RIC8B: variants seen among roughly 807,000 people sequenced by gnomAD.
RIC8B encodes chaperone Ric-8B.
In RIC8B, 16 loss-of-function variants were observed where a neutral mutation model predicts 57.5. The ratio of observed to expected loss-of-function variants is 0.28; its 90% CI spans 0.19 to 0.42. RIC8B has a LOEUF of 0.42. RIC8B is among the 10% of genes least tolerant of loss of function. RIC8B has a pLI of 1.00. For synonymous variants in RIC8B, 216 were observed against 250.8 expected, an observed-to-expected ratio of 0.86 and a Z score of 1.31; for missense variants, 481 against 677.0, an observed-to-expected ratio of 0.71 and a Z score of 3.21.
chr12:106,858,943 A>C (rs535724664), intron 7 of RIC8B, among the ~76,000 whole-genome samples: 2 of 151,982 alleles, frequency 1.3e-5, no homozygotes, highest in Admixed American at 1.3e-4. Flanking sequence ...GATCATATAT[A>C]CCCACTTTTC....
chr12:106,847,025 C>T (rs12580943), intron 6 of RIC8B, among the ~76,000 whole-genome samples: 4 of 152,068 alleles, frequency 2.6e-5, no homozygotes, highest in East Asian at 1.9e-4. Flanking sequence ...TATTATTATG[C>T]CCTGTAGTAA....
At chr12:106,845,389 C>T (rs1260662358) in intron 6 of RIC8B, among the ~76,000 whole-genome samples, 2 of 152,156 alleles carry the variant, frequency 1.3e-5, no homozygotes, top group African/African-American at 4.8e-5. Flanking sequence ...GACTTTGTTT[C>T]CTGTTTCATC....
At chr12:106,885,401 A>G (rs919915654) in intron 9 of RIC8B, among the ~76,000 whole-genome samples, 5 of 152,174 alleles carry the variant, frequency 3.3e-5, no homozygotes, top group African/African-American at 1.2e-4. Flanking sequence ...CTAATTTGAA[A>G]TGAATCAACA....
In RIC8B at chr12:106,828,461, C is replaced by G. The variant is rs2046210085; in HGVS notation, c.836+2641C>G. ...TTTTTAAAGGATTTCAAAGTAACAT[C>G]TCAAATTCCATTTTTGAAAGTTATT... is the stretch of plus-strand genomic sequence containing the variant. On this transcript the variant is annotated intron_variant, in intron 4 of 9. Coordinates refer to ENST00000392837, the MANE Select transcript of RIC8B (RefSeq NM_001330145.2). Among the ~76,000 whole-genome samples, 2 of 152,292 alleles carry G rather than the reference C, an allele frequency of 1.3e-5. 1 individual carries two copies. Among genetic ancestry groups the G allele is most frequent in the South Asian group, 4.1e-4 (2 of 4,828 alleles).
Position 106,854,635 on chromosome 12 carries a change from A to T in RIC8B, c.1306+3041A>T, listed in dbSNP as rs1004081774. ...GTGAAACCCCGTCTCTACTAAAAAT[A>T]TAAAAATTAGCTGGACGTGGTGGTG... On this transcript the variant is annotated intron_variant, in intron 7 of 9. Transcript: ENST00000392837. Among the ~76,000 whole-genome samples the T allele has an allele frequency of 2.6e-5, 4 of 152,136 alleles. No individual in the cohort carries two copies. In the East Asian group the frequency reaches 7.7e-4, roughly 29 times the overall value.
chr12:106,815,327 T>G (rs2045526239), intron 3 of RIC8B, 23 bp downstream of exon 3: 3 of 1,567,618 alleles, frequency 1.9e-6, no homozygotes, highest in Non-Finnish European at 2.6e-6. Context: ...AGGCTATTTT[T>G]GTCTACCTGG....
Position 106,810,290 on chromosome 12 carries a change from TA to T in RIC8B, c.133-4391del, listed in dbSNP as rs60993772. ...AGAAGTGTCTAAATCATACAGCTGG[TA>T]AAAAAAAAAAAAAAGAAAGAAAAGA... On this transcript the variant is annotated intron_variant, in intron 2 of 9. Coordinates refer to ENST00000392837, the MANE Select transcript of RIC8B (RefSeq NM_001330145.2). 2.3e-3 allele frequency among the ~76,000 whole-genome samples: 286 copies of T among 122,542 alleles called. 1 individual carries two copies. Among genetic ancestry groups the T allele is most frequent in the Middle Eastern group, 4.3e-3 (1 of 230 alleles). 80.4% of individuals were successfully genotyped at this position (122,542 alleles called of 152,430 possible).
rs35584850 is a variant in RIC8B at position 106,813,187 on chromosome 12, C to CTTT, written c.133-1489_133-1487dup. Among the ~76,000 whole-genome samples, 538 of 98,578 alleles carry CTTT rather than the reference C, an allele frequency of 5.5e-3. 7 individuals carry two copies. The highest frequency in any genetic ancestry group is 6.8e-3 in the Non-Finnish European group (340 of 50,086). 64.7% of individuals were successfully genotyped at this position (98,578 alleles called of 152,430 possible). ...CATAGGTTATATGCAAATACTATGCCTTTTTTTTTTTTTTTTTTTTTTGAG... is the reference window on the plus strand; with the variant it reads ...CATAGGTTATATGCAAATACTATGCCTTTTTTTTTTTTTTTTTTTTTTTTTGAG... On this transcript the variant is annotated intron_variant, in intron 2 of 9. Transcript: ENST00000392837.
intron 2 of RIC8B, among the ~76,000 whole-genome samples, chr12:106,799,072 G>C (rs969765811): frequency 2.6e-5 from 4 of 152,180 alleles, no homozygotes; most frequent in African/African-American, 9.6e-5. Context: ...ATACGTTCCT[G>C]TATCAGGGTG....
intron 4 of RIC8B, among the ~76,000 whole-genome samples, chr12:106,839,719 C>G (rs530947164): frequency 2.9e-4 from 44 of 152,152 alleles, no homozygotes; most frequent in Non-Finnish European, 5.3e-4. Flanking sequence ...AAATACTTTT[C>G]AAAGATTTTG....
At chr12:106,861,560 G>A (rs1230216924) in intron 8 of RIC8B, among the ~76,000 whole-genome samples, 6 of 151,968 alleles carry the variant, frequency 3.9e-5, no homozygotes, top group African/African-American at 1.2e-4. Context: ...AGCTGGCAAT[G>A]ACTCTAAGCA....
intron 4 of RIC8B, among the ~76,000 whole-genome samples, chr12:106,826,830 G>C (rs957418712): frequency 6.6e-6 from 1 of 152,180 alleles, no homozygotes; most frequent in Non-Finnish European, 1.5e-5. Flanking sequence ...GCTCATGCCT[G>C]TAATACTAGC....
intron 2 of RIC8B, among the ~76,000 whole-genome samples, chr12:106,808,752 A>G (rs894693210): frequency 1.3e-5 from 2 of 152,192 alleles, no homozygotes; most frequent in African/African-American, 2.4e-5. Flanking sequence ...CTAATAACCT[A>G]TTTTGGATTC....
At chr12:106,878,173 G>A (rs1474383958) in intron 9 of RIC8B, among the ~76,000 whole-genome samples, 9 of 152,226 alleles carry the variant, frequency 5.9e-5, no homozygotes, top group East Asian at 3.9e-4. Context: ...TACCAAGTTA[G>A]TGGCTTAATG....
intron 1 of RIC8B, among the ~76,000 whole-genome samples, chr12:106,777,560 A>G (rs1216836555): frequency 6.6e-6 from 1 of 152,168 alleles, no homozygotes; most frequent in Non-Finnish European, 1.5e-5. Context: ...AGAGTAGTGG[A>G]GAGGTTCTTT....
At position 106,887,855 on chromosome 12, in the gene RIC8B, GT is replaced by G. The variant is rs961036855; in HGVS notation, c.*1847del. ...CTACTTCCTATAATGGTGACCCTGA[GT>G]TTTTTTAAAAGAAGAAATTAAATCC... On this transcript the variant is annotated 3_prime_UTR_variant, in exon 10 of 10. Transcript: ENST00000392837. The G allele has an allele frequency of 5.9e-5, 9 of 152,264 alleles. No homozygotes were observed. The highest frequency in any genetic ancestry group is 1.2e-4 in the Non-Finnish European group (8 of 68,024). The allele number at this position is 152,264 out of a possible 1,614,324, so 9.4% of individuals were successfully genotyped here.
chr12:106,794,058 A>AAC (rs2044371336), intron 2 of RIC8B, among the ~76,000 whole-genome samples: 1 of 152,212 alleles, frequency 6.6e-6, no homozygotes, highest in Non-Finnish European at 1.5e-5. Context: ...TAAAGAAGTA[A>AAC]CAGATGTAAT....
rs531021915 is a variant in RIC8B, at chr12:106,793,392, A to T, written c.132+9348A>T. Among the ~76,000 whole-genome samples the T allele has an allele frequency of 3.9e-5, 6 of 152,318 alleles. No individual in the cohort carries two copies. The East Asian group carries it at 1.2e-3, about 29-fold the overall frequency. ...ACTTCATTTGCACAGAATATGGAGA[A>T]GTTCATGCCTAAGGGTGCAGGTTGT... On this transcript the variant is annotated intron_variant, in intron 2 of 9. Coordinates refer to ENST00000392837, the MANE Select transcript of RIC8B (RefSeq NM_001330145.2).
At chr12:106,814,631 A>G in intron 2 of RIC8B, 65 bp from the exon 3 acceptor site, 2 of 1,482,628 alleles carry the variant, frequency 1.3e-6, no homozygotes, top group Non-Finnish European at 1.8e-6. Context: ...ATTGGCAGAG[A>G]AACATTCTGT....
Sources: gnomAD v4.1 joint callset for allele counts (sites outside exome capture counted in the v4.1 genomes callset) on GRCh38, gnomAD v4.1.1 for gene constraint, MANE v1.5 for transcripts, NCBI Gene and HGNC (gene_info 2026-07-23, HGNC 2026-07-21) for gene names.